MCU: variants seen among roughly 807,000 people sequenced by gnomAD.
The protein encoded by MCU is mitochondrial calcium uniporter.
In MCU, 12 loss-of-function variants were observed where a neutral mutation model predicts 45.2. The observed-to-expected ratio is 0.27, with a 90% CI of 0.17 to 0.43. The LOEUF (loss-of-function observed/expected upper bound fraction) is 0.43. Ranked by LOEUF, MCU falls within the 20% of genes least tolerant of loss-of-function variation. The pLI is 1.00. For synonymous variants in MCU, 160 were observed against 165.1 expected (o/e 0.97, Z 0.24); for missense variants, 324 against 436.7 (o/e 0.74, Z 2.30).
intron 1 of MCU, among the ~76,000 whole-genome samples, chr10:72,745,874 C>T (rs755929547): frequency 9.9e-5 from 15 of 152,016 alleles, no homozygotes; most frequent in Non-Finnish European, 1.8e-4. Flanking sequence ...TAAAATATAC[C>T]ATTTTAATAA....
intron 1 of MCU, among the ~76,000 whole-genome samples, chr10:72,699,130 A>G (rs1364211291): frequency 6.6e-6 from 1 of 152,142 alleles, no homozygotes; most frequent in African/African-American, 2.4e-5. Context: ...ATGCCATACC[A>G]TGGCTCATGG....
intron 2 of MCU, among the ~76,000 whole-genome samples, chr10:72,849,726 A>G (rs1178230420): frequency 6.6e-6 from 1 of 152,100 alleles, no homozygotes; most frequent in East Asian, 1.9e-4. Flanking sequence ...TGGTGGGGAA[A>G]CTTTTTACAA....
At chr10:72,865,651 C>G (rs1845440718) in intron 4 of MCU, among the ~76,000 whole-genome samples, 1 of 152,098 alleles carries the variant, frequency 6.6e-6, no homozygotes, top group Non-Finnish European at 1.5e-5. Context: ...AGCAGATCCT[C>G]CCACCTCAGC....
At chr10:72,808,606 G>A (rs1289740800) in intron 1 of MCU, among the ~76,000 whole-genome samples, 3 of 152,126 alleles carry the variant, frequency 2.0e-5, no homozygotes, top group Non-Finnish European at 2.9e-5. Context: ...GCATTAATCC[G>A]TTCTCACATA....
At chr10:72,857,364 C>T (rs920728009) in intron 2 of MCU, among the ~76,000 whole-genome samples, 4 of 151,846 alleles carry the variant, frequency 2.6e-5, no homozygotes, top group East Asian at 3.9e-4. Flanking sequence ...CTCAGCCTCC[C>T]GAGTAGCTGG....
intron 1 of MCU, among the ~76,000 whole-genome samples, chr10:72,812,663 A>G (rs1181835440): frequency 6.6e-6 from 1 of 152,180 alleles, no homozygotes; most frequent in Non-Finnish European, 1.5e-5. Context: ...AGTATCATGA[A>G]GGGCTGTTTT....
rs770093650 is a variant in MCU, at chr10:72,871,371, C to T, written c.658-6C>T. The T allele has an allele frequency of 6.2e-6, 10 of 1,613,502 alleles. No individual in the cohort carries two copies. In the Admixed American group the frequency reaches 1.3e-4, roughly 22 times the overall value. Reference sequence around the variant, plus strand: ...AAAATGCCTTATGATTATGTGTGCCCAATAGGTACGAATTGAGATTAGCAG... The same window carrying T: ...AAAATGCCTTATGATTATGTGTGCCTAATAGGTACGAATTGAGATTAGCAG... On this transcript the variant is annotated splice_region_variant and splice_polypyrimidine_tract_variant and intron_variant, in intron 5 of 7. Coordinates refer to ENST00000373053, the MANE Select transcript of MCU (RefSeq NM_138357.3).
intron 1 of MCU, among the ~76,000 whole-genome samples, chr10:72,784,208 A>G (rs1254403362): frequency 6.6e-6 from 1 of 152,230 alleles, no homozygotes; most frequent in East Asian, 1.9e-4. Flanking sequence ...AACAATATAA[A>G]GAGTATGTAA....
chr10:72,699,975 C>G (rs1016352452), intron 1 of MCU, among the ~76,000 whole-genome samples: 1 of 151,792 alleles, frequency 6.6e-6, no homozygotes, highest in Non-Finnish European at 1.5e-5. Flanking sequence ...CTATTCAATT[C>G]TTTTCCTACT....
chr10:72,787,271 G>C (rs1050030366), intron 1 of MCU, among the ~76,000 whole-genome samples: 20 of 152,038 alleles, frequency 1.3e-4, no homozygotes, highest in Admixed American at 1.2e-3. Flanking sequence ...CTGAGTTTTT[G>C]TTTCGTTTGT....
At chr10:72,825,987 GC>G (rs1243141040) in intron 1 of MCU, among the ~76,000 whole-genome samples, 1 of 152,146 alleles carries the variant, frequency 6.6e-6, no homozygotes, top group Non-Finnish European at 1.5e-5. Context: ...AGCCCTAGTT[GC>G]TTATGCTGGG....
At chr10:72,850,497 T>C (rs1249095681) in intron 2 of MCU, among the ~76,000 whole-genome samples, 2 of 152,230 alleles carry the variant, frequency 1.3e-5, no homozygotes, top group African/African-American at 4.8e-5. Context: ...CTCATTGTTT[T>C]GAACACCAGC....
chr10:72,817,157 G>A (rs189112509), intron 1 of MCU, among the ~76,000 whole-genome samples: 51 of 152,218 alleles, frequency 3.4e-4, no homozygotes, highest in African/African-American at 1.2e-3. Context: ...ATATTGTAAA[G>A]CAAATACCCT....
At chr10:72,857,302 C>T (rs908131479) in intron 2 of MCU, among the ~76,000 whole-genome samples, 3 of 151,694 alleles carry the variant, frequency 2.0e-5, no homozygotes, top group Admixed American at 6.6e-5. Context: ...TGCAGTGTCG[C>T]GATCTTGGCT....
At chr10:72,710,952 T>C (rs1338243490) in intron 1 of MCU, among the ~76,000 whole-genome samples, 1 of 151,850 alleles carries the variant, frequency 6.6e-6, no homozygotes, top group Non-Finnish European at 1.5e-5. Context: ...CCAAGGCAGG[T>C]AGATCACCTG....
intron 2 of MCU, among the ~76,000 whole-genome samples, chr10:72,854,883 T>C (rs957141579): frequency 3.9e-5 from 6 of 152,214 alleles, no homozygotes; most frequent in African/African-American, 1.2e-4. Context: ...GAGTCTAAAA[T>C]ATTTAATACC....
chr10:72,817,513 T>C (rs1218955697), intron 1 of MCU, among the ~76,000 whole-genome samples: 1 of 152,252 alleles, frequency 6.6e-6, no homozygotes, highest in Admixed American at 6.5e-5. Flanking sequence ...TAGAATTTTA[T>C]TGTCTTTAAG....
At position 72,781,185 on chromosome 10, in the gene MCU, A is replaced by G. The variant is rs76355116; in HGVS notation, c.151-53174A>G. 3.1e-3 allele frequency among the ~76,000 whole-genome samples: 474 copies of G among 152,336 alleles called. 3 individuals carry two copies. The highest frequency in any genetic ancestry group is 0.011 in the African/African-American group (447 of 41,584). ...TGTGTTGTTACTGGTAATCAGGATAATTCTGGTGAATTGAATTTGTCGGGC... is the reference window on the plus strand; with the variant it reads ...TGTGTTGTTACTGGTAATCAGGATAGTTCTGGTGAATTGAATTTGTCGGGC... On this transcript the variant is annotated intron_variant, in intron 1 of 7. Transcript: ENST00000373053.
chr10:72,767,391 G>T (rs976306199), intron 1 of MCU, among the ~76,000 whole-genome samples: 6 of 152,070 alleles, frequency 3.9e-5, no homozygotes, highest in African/African-American at 1.4e-4. Flanking sequence ...TGTTGAAAAA[G>T]GACTCGGAAG....
Sources: allele counts gnomAD v4.1 joint callset (sites outside exome capture counted in the v4.1 genomes callset), GRCh38; gene constraint gnomAD v4.1.1; transcripts MANE v1.5; gene names NCBI Gene and HGNC (gene_info 2026-07-23, HGNC 2026-07-21).